The following RELN variants were observed in gnomAD, a reference collection of about 807,000 sequenced individuals.
RELN encodes reelin.
Under a neutral mutation model 427.6 loss-of-function variants are expected in RELN, and 108 were observed. The observed-to-expected ratio is 0.25, with a 90% CI of 0.22 to 0.30. RELN has a LOEUF of 0.30. RELN is among the 10% of genes least tolerant of loss of function. The probability of loss-of-function intolerance (pLI) is 1.00; values close to 1 mark genes in which losing one functional copy is unlikely to be tolerated. For synonymous variants in RELN, 1,524 were observed against 1,513.4 expected, an observed-to-expected ratio of 1.01 and a Z score of -0.16; for missense variants, 3,715 against 4,302.8, an observed-to-expected ratio of 0.86 and a Z score of 3.82.
chr7:103,724,746 C>G (rs997799556), intron 7 of RELN, among the ~76,000 whole-genome samples: 3 of 151,480 alleles, frequency 2.0e-5, no homozygotes, highest in African/African-American at 7.3e-5. Context: ...ACTCTCATTT[C>G]TTTACCTTTA....
intron 36 of RELN, among the ~76,000 whole-genome samples, chr7:103,558,834 A>G (rs886441097): frequency 6.6e-6 from 1 of 152,206 alleles, no homozygotes; most frequent in African/African-American, 2.4e-5. Flanking sequence ...CTTCTGAATG[A>G]CGTGACTCTT....
intron 2 of RELN, among the ~76,000 whole-genome samples, chr7:103,868,206 T>C (rs1794246183): frequency 6.6e-6 from 1 of 152,108 alleles, no homozygotes; most frequent in African/African-American, 2.4e-5. Flanking sequence ...TAAAATAGGA[T>C]ATTGGGAACC....
chr7:103,938,566 T>C lies in RELN; in HGVS notation c.227-21381A>G, dbSNP rs567592976. On this transcript the variant is annotated intron_variant, in intron 1 of 64. Coordinates refer to ENST00000428762, the MANE Select transcript of RELN (RefSeq NM_005045.4). ...AATCCTATTCTCCAAATGGGAAATA[T>C]TATAAATAGGGATGTGCAAATTTCT... 7.4e-4 allele frequency among the ~76,000 whole-genome samples: 112 copies of C among 152,334 alleles called. 1 individual carries two copies. Among genetic ancestry groups the C allele is most frequent in the Middle Eastern group, 3.4e-3 (1 of 294 alleles).
chr7:103,736,599 C>G lies in RELN; in HGVS notation c.657-8392G>C, dbSNP rs1035447864. Among the ~76,000 whole-genome samples the G allele has an allele frequency of 2.6e-5, 4 of 152,210 alleles. No homozygotes were observed. In the East Asian group the frequency reaches 7.7e-4, roughly 29 times the overall value. ...TCGATCTCGTCTTCATTAACAGGTA[C>G]GAATGACAAACGTTATTTGGGTTAA... On this transcript the variant is annotated intron_variant, in intron 6 of 64. Coordinates refer to ENST00000428762, the MANE Select transcript of RELN (RefSeq NM_005045.4).
At chr7:103,559,482 G>T (rs917811095) in intron 36 of RELN, among the ~76,000 whole-genome samples, 10 of 152,118 alleles carry the variant, frequency 6.6e-5, no homozygotes, top group African/African-American at 2.4e-4. Flanking sequence ...TGCTCTGTTC[G>T]GTCCATGATA....
intron 15 of RELN, 60 bp from the exon 16 acceptor site, chr7:103,650,443 T>C: frequency 9.5e-7 from 1 of 1,048,832 alleles, no homozygotes; most frequent in Non-Finnish European, 1.5e-6. Context: ...TAGAATCTAT[T>C]TTACATGGTT....
chr7:103,652,740 A>C lies in RELN; in HGVS notation c.1574T>G (p.Val525Gly). 1 of 1,612,764 alleles carries C rather than the reference A, an allele frequency of 6.2e-7. No individual in the cohort carries two copies. The highest frequency in any genetic ancestry group is 8.5e-7 in the Non-Finnish European group (1 of 1,179,156). Residue 525 changes from valine (V) to glycine (G), a missense_variant, in exon 14 of 65, where the codon GTG becomes GGG. Val to Gly is a moderately radical substitution (Grantham distance 109). Coordinates refer to ENST00000428762, the MANE Select transcript of RELN (RefSeq NM_005045.4). ...SSYKVPSLVS[V>G]VINPELQTPA... ...AGTCTGAAGTTCAGGATTGATGACC[A>C]CAGAAACCAAAGACGGAACCTTTCA...
At chr7:103,628,655 T>A (rs1832382838) in intron 20 of RELN, among the ~76,000 whole-genome samples, 1 of 152,244 alleles carries the variant, frequency 6.6e-6, no homozygotes. Context: ...AGGTCACTGA[T>A]GGGTCATTTA....
At chr7:103,810,833 T>C (rs896692017) in intron 3 of RELN, among the ~76,000 whole-genome samples, 2 of 152,184 alleles carry the variant, frequency 1.3e-5, no homozygotes, top group Admixed American at 6.5e-5. Context: ...GAAATTACCA[T>C]ATATCTTGAT....
At chr7:103,564,119 G>A (rs1372985285) in intron 34 of RELN, among the ~76,000 whole-genome samples, 2 of 152,200 alleles carry the variant, frequency 1.3e-5, no homozygotes, top group Non-Finnish European at 2.9e-5. Context: ...TATTCAATAA[G>A]TGTTTGTTGA....
At chr7:103,578,405 G>C (rs1316876995) in intron 28 of RELN, among the ~76,000 whole-genome samples, 1 of 152,178 alleles carries the variant, frequency 6.6e-6, no homozygotes. Flanking sequence ...TCATAGCTTA[G>C]AGTCCTAGAT....
In RELN at chr7:103,594,506, A is replaced by T. The variant is rs754915287; in HGVS notation, c.3540-14T>A. The T allele has an allele frequency of 4.3e-6, 7 of 1,613,462 alleles. No homozygotes were observed. The East Asian group carries it at 1.6e-4, about 36-fold the overall frequency. On this transcript the variant is annotated splice_polypyrimidine_tract_variant and intron_variant, in intron 25 of 64. Coordinates refer to ENST00000428762, the MANE Select transcript of RELN (RefSeq NM_005045.4). ...AGATAGACAAATCTGAATAAAAGTAAATCATTTACGGTTGGGAAAACAAAA... is the reference window on the plus strand; with the variant it reads ...AGATAGACAAATCTGAATAAAAGTATATCATTTACGGTTGGGAAAACAAAA...
At chr7:103,884,441 T>C (rs1794678670) in intron 2 of RELN, among the ~76,000 whole-genome samples, 1 of 152,138 alleles carries the variant, frequency 6.6e-6, no homozygotes, top group African/African-American at 2.4e-5. Flanking sequence ...CGGGATCTAA[T>C]TAAACTAAAG....
At chr7:103,734,886 AT>A (rs1408648221) in intron 6 of RELN, among the ~76,000 whole-genome samples, 2 of 152,128 alleles carry the variant, frequency 1.3e-5, no homozygotes, top group African/African-American at 4.8e-5. Flanking sequence ...TTATAGGGTA[AT>A]TTTTTTGTTT....
intron 20 of RELN, among the ~76,000 whole-genome samples, chr7:103,624,184 G>A (rs1437300791): frequency 1.3e-5 from 2 of 152,066 alleles, no homozygotes; most frequent in Non-Finnish European, 2.9e-5. Context: ...TCTTGTTCAT[G>A]CTCATAAATA....
intron 10 of RELN, among the ~76,000 whole-genome samples, chr7:103,696,338 A>G (rs1404601863): frequency 6.6e-6 from 1 of 152,142 alleles, no homozygotes; most frequent in African/African-American, 2.4e-5. Context: ...AGGCAAGCCC[A>G]TGATTTGAAT....
intron 2 of RELN, among the ~76,000 whole-genome samples, chr7:103,908,496 G>T (rs532598552): frequency 1.3e-5 from 2 of 152,228 alleles, no homozygotes; most frequent in African/African-American, 4.8e-5. Context: ...CATGGAACCT[G>T]AGCTGCCTAA....
At chr7:103,516,689 C>T (rs1829574627) in intron 49 of RELN, among the ~76,000 whole-genome samples, 1 of 152,182 alleles carries the variant, frequency 6.6e-6, no homozygotes, top group Non-Finnish European at 1.5e-5. Context: ...GCAAGACAAC[C>T]AGTCCAAGTT....
intron 2 of RELN, among the ~76,000 whole-genome samples, chr7:103,866,415 C>G (rs146649127): frequency 0.015 from 2,341 of 152,148 alleles, 27 homozygotes; most frequent in Middle Eastern, 0.044. Context: ...CAAGCATGAG[C>G]TGGCTTCTCT....
Sources: allele counts gnomAD v4.1 joint callset (sites outside exome capture counted in the v4.1 genomes callset), GRCh38; gene constraint gnomAD v4.1.1; transcripts MANE v1.5; gene names NCBI Gene and HGNC (gene_info 2026-07-23, HGNC 2026-07-21).